Variants in IREB2 observed in about 807,000 individuals in gnomAD.
IREB2 encodes iron responsive element binding protein 2.
A neutral mutation model predicts 118.8 loss-of-function variants in IREB2; 39 were observed. The observed-to-expected ratio is 0.33, with a 90% CI of 0.25 to 0.43. IREB2 has a LOEUF of 0.43. Ranked by LOEUF, IREB2 falls within the 20% of genes least tolerant of loss-of-function variation. The pLI is 1.00. For synonymous variants in IREB2, 372 were observed against 392.2 expected, an observed-to-expected ratio of 0.95 and a Z score of 0.61; for missense variants, 900 against 1,147.3, an observed-to-expected ratio of 0.78 and a Z score of 3.11.
intron 2 of IREB2, among the ~76,000 whole-genome samples, chr15:78,441,086 A>G (rs1307450395): frequency 1.3e-5 from 2 of 152,198 alleles, no homozygotes; most frequent in Non-Finnish European, 2.9e-5. Context: ...TTATTTAATT[A>G]AGACGATTGT....
rs11858961 is a variant in IREB2, at chr15:78,485,398, G to T, written c.1574-307G>T. Among the ~76,000 whole-genome samples the T allele has an allele frequency of 1.7e-3, 214 of 124,074 alleles. 1 individual carries two copies. The highest frequency in any genetic ancestry group is 6.2e-3 in the African/African-American group (207 of 33,526). 81.4% of individuals were successfully genotyped at this position (124,074 alleles called of 152,430 possible). A position where few individuals can be genotyped will look rare whatever the true frequency, so the allele number is the denominator to read the frequency against. On this transcript the variant is annotated intron_variant, in intron 12 of 21. Coordinates refer to ENST00000258886, the MANE Select transcript of IREB2 (RefSeq NM_004136.4). ...TGTAATTATGACTTTAAAATGGTTT[G>T]CTTTAGAAAAAAGAAGAAAGAGAAA... is the stretch of plus-strand genomic sequence containing the variant.
rs1031055525 is a variant in IREB2, at chr15:78,488,665, A to T, written c.1970A>T (p.Lys657Met). ...TAACCAGGTACTGACCCCACCGGCA[A>T]GAACATTTACCTGCATGATATTTGG... is the stretch of plus-strand genomic sequence containing the variant. ...TEPLGTDPTG[K>M]NIYLHDIWPS... The change falls in exon 16 of 22, where the codon AAG (lysine) becomes ATG (methionine). Residue 657 changes from lysine to methionine, a missense_variant. By Grantham distance (95) the Lys-to-Met change is moderately conservative. Coordinates refer to ENST00000258886, the MANE Select transcript of IREB2 (RefSeq NM_004136.4). The T allele has an allele frequency of 4.3e-6, 7 of 1,611,000 alleles. No individual in the cohort carries two copies. Among genetic ancestry groups the T allele is most frequent in the Non-Finnish European group, 2.5e-6 (3 of 1,179,080 alleles).
At chr15:78,458,855 G>A (rs909424637) in intron 2 of IREB2, among the ~76,000 whole-genome samples, 1 of 152,040 alleles carries the variant, frequency 6.6e-6, no homozygotes, top group Non-Finnish European at 1.5e-5. Context: ...CCATTTCCCG[G>A]GCTGGAGTGC....
chr15:78,483,268 C>T (rs375277125), intron 10 of IREB2, 50 bp from the exon 11 acceptor site: 13 of 863,674 alleles, frequency 1.5e-5, no homozygotes, highest in Non-Finnish European at 1.4e-5. Flanking sequence ...TGGAATCTGT[C>T]GTAAGGAATT....
intron 13 of IREB2, 109 bp from the exon 14 acceptor site, chr15:78,487,624 A>G: frequency 1.5e-6 from 1 of 662,234 alleles, no homozygotes. Flanking sequence ...TGTGTCATGA[A>G]TAGTCTTTTA....
chr15:78,460,893 C>A (rs2051185570), intron 2 of IREB2, among the ~76,000 whole-genome samples: 1 of 152,008 alleles, frequency 6.6e-6, no homozygotes, highest in Non-Finnish European at 1.5e-5. Context: ...CTGAAAAACA[C>A]AAGAAATGAG....
intron 2 of IREB2, among the ~76,000 whole-genome samples, chr15:78,452,684 A>G (rs1406227343): frequency 1.3e-5 from 2 of 152,070 alleles, no homozygotes; most frequent in African/African-American, 4.8e-5. Flanking sequence ...AGGCGGGAGG[A>G]TCTCTTGAGC....
At chr15:78,497,562 A>G (rs2051859086) in intron 21 of IREB2, among the ~76,000 whole-genome samples, 1 of 152,222 alleles carries the variant, frequency 6.6e-6, no homozygotes, top group African/African-American at 2.4e-5. Context: ...CTTCCACTTA[A>G]CAAGTGTCAG....
intron 3 of IREB2, among the ~76,000 whole-genome samples, chr15:78,464,937 TAGGGAA>T (rs546962642): frequency 1.3e-5 from 2 of 152,238 alleles, no homozygotes; most frequent in South Asian, 4.1e-4. Flanking sequence ...GGGCTGGAAC[TAGGGAA>T]AGGGGAAGGT....
At chr15:78,488,617 C>T (rs755527519) in intron 15 of IREB2, 30 bp from the exon 16 acceptor site, 3 of 1,566,110 alleles carry the variant, frequency 1.9e-6, no homozygotes, top group South Asian at 2.4e-5. Flanking sequence ...TATTTTTTTA[C>T]TGAGTATCAT....
rs757925861 is a variant in IREB2 at position 78,470,528 on chromosome 15, T to G, written c.630-4T>G. The G allele has an allele frequency of 6.3e-7, 1 of 1,582,000 alleles. No homozygotes were observed. Among genetic ancestry groups the G allele is most frequent in the East Asian group, 2.2e-5 (1 of 44,538 alleles). ...CGTTTAATGCCAGCTCTTCTTCCTT[T>G]TAGACCTGAAACAGTGTTAAAAAAT... is the stretch of plus-strand genomic sequence containing the variant. On this transcript the variant is annotated splice_region_variant and splice_polypyrimidine_tract_variant and intron_variant, in intron 5 of 21. Coordinates refer to ENST00000258886, the MANE Select transcript of IREB2 (RefSeq NM_004136.4).
intron 10 of IREB2, among the ~76,000 whole-genome samples, chr15:78,482,090 CGT>C (rs1194095292): frequency 5.9e-5 from 9 of 151,812 alleles, no homozygotes; most frequent in Non-Finnish European, 1.2e-4. Flanking sequence ...CTTAGCCAGG[CGT>C]GGTGGCGCAT....
chr15:78,498,164 C>G lies in IREB2; in HGVS notation c.*21C>G. The stretch of plus-strand genomic sequence containing the variant: ...CATAGTATCTACTTACCATAGATAC[C>G]TTTCATAACTGGTAACTGCAAAGCC... On this transcript the variant is annotated 3_prime_UTR_variant, in exon 22 of 22. Transcript: ENST00000258886. 7.6e-7 allele frequency: 1 copy of G among 1,312,192 alleles called. No individual in the cohort carries two copies. Among genetic ancestry groups the G allele is most frequent in the South Asian group, 1.2e-5 (1 of 84,480 alleles). The allele number at this position is 1,312,192 out of a possible 1,614,324, so 81.3% of individuals were successfully genotyped here. A position where few individuals can be genotyped will look rare whatever the true frequency, so the allele number is the denominator to read the frequency against.
chr15:78,466,910 C>T (rs2051292548), intron 5 of IREB2, among the ~76,000 whole-genome samples: 2 of 151,746 alleles, frequency 1.3e-5, no homozygotes, highest in Admixed American at 1.3e-4. Flanking sequence ...CTTATCTTTT[C>T]CTATTGCATT....
chr15:78,466,099 T>TTA (rs888173829), intron 4 of IREB2, among the ~76,000 whole-genome samples, 172 bp from the exon 5 acceptor site: 9 of 152,264 alleles, frequency 5.9e-5, no homozygotes, highest in East Asian at 1.9e-4. Flanking sequence ...GTTTCTTTTT[T>TTA]TATATATATA....
At chr15:78,484,739 A>G (rs1213117145) in intron 11 of IREB2, 22 bp from the exon 12 acceptor site, 1 of 1,588,302 alleles carries the variant, frequency 6.3e-7, no homozygotes, top group East Asian at 2.2e-5. Flanking sequence ...TTTAGTTTAT[A>G]TTTTTGTGGA....
In IREB2 at chr15:78,488,284, A is replaced by G. The variant is rs2051693684; in HGVS notation, c.1899A>G (p.Val633=). ...ATCTTGCCTCTCCACCCTTAGTGGT[A>G]GCTTATGCCATAGCAGGCACAGTGA... is the stretch of plus-strand genomic sequence containing the variant. The part of the protein sequence containing the change: ...ANYLASPPLV[V]AYAIAGTVNI... Residue 633 remains valine (V), a synonymous_variant, in exon 15 of 22, where the codon GTA becomes GTG. Transcript: ENST00000258886. 1 of 1,610,234 alleles carries G rather than the reference A, an allele frequency of 6.2e-7. No homozygotes were observed. Among genetic ancestry groups the G allele is most frequent in the Non-Finnish European group, 8.5e-7 (1 of 1,178,874 alleles).
chr15:78,470,017 A>G (rs1304716521), intron 5 of IREB2, among the ~76,000 whole-genome samples: 8 of 152,252 alleles, frequency 5.3e-5, no homozygotes, highest in African/African-American at 1.9e-4. Flanking sequence ...GTGAACTGCT[A>G]CTTATACATA....
At chr15:78,473,021 T>G (rs1375278446) in intron 7 of IREB2, among the ~76,000 whole-genome samples, 3 of 152,212 alleles carry the variant, frequency 2.0e-5, no homozygotes, top group Non-Finnish European at 4.4e-5. Flanking sequence ...AAAACTAATA[T>G]TTTACCTTGA....
Sources: allele counts gnomAD v4.1 joint callset (sites outside exome capture counted in the v4.1 genomes callset), GRCh38; gene constraint gnomAD v4.1.1; transcripts MANE v1.5; gene names NCBI Gene and HGNC (gene_info 2026-07-23, HGNC 2026-07-21).